Variants in DPP10 observed in about 807,000 individuals in gnomAD.
DPP10 encodes inactive dipeptidyl peptidase 10.
A neutral mutation model predicts 120.9 loss-of-function variants in DPP10; 33 were observed. The ratio of observed to expected loss-of-function variants is 0.27; its 90% CI spans 0.21 to 0.37. DPP10 has a LOEUF of 0.37. DPP10 is among the 10% of genes least tolerant of loss of function. DPP10 has a pLI of 1.00. For synonymous variants in DPP10, 337 were observed against 326.1 expected, an observed-to-expected ratio of 1.03 and a Z score of -0.36; for missense variants, 816 against 942.8, an observed-to-expected ratio of 0.87 and a Z score of 1.76.
chr2:115,450,155 A>G (rs1368732408), intron 3 of DPP10, among the ~76,000 whole-genome samples: 1 of 151,948 alleles, frequency 6.6e-6, no homozygotes, highest in Non-Finnish European at 1.5e-5. Context: ...AACCTACCAA[A>G]CATTATAGCT....
At chr2:115,236,473 G>T (rs556968802) in intron 1 of DPP10, among the ~76,000 whole-genome samples, 1 of 152,246 alleles carries the variant, frequency 6.6e-6, no homozygotes, top group East Asian at 1.9e-4. Flanking sequence ...CAACATTTCT[G>T]CATTAGTAAT....
chr2:114,679,389 C>T (rs1698875585), intron 1 of DPP10, among the ~76,000 whole-genome samples: 1 of 151,932 alleles, frequency 6.6e-6, no homozygotes, highest in South Asian at 2.1e-4. Flanking sequence ...ATTGTAATGG[C>T]ACAAACTGGT....
chr2:114,444,298 A>G (rs892489430), intron 1 of DPP10, among the ~76,000 whole-genome samples: 2 of 152,220 alleles, frequency 1.3e-5, no homozygotes, highest in Non-Finnish European at 2.9e-5. Context: ...TAGTAAATAC[A>G]TGACACTCTA....
intron 7 of DPP10, among the ~76,000 whole-genome samples, chr2:115,699,544 G>A (rs2091790317): frequency 6.6e-6 from 1 of 152,204 alleles, no homozygotes; most frequent in African/African-American, 2.4e-5. Context: ...AGAGGTTGCA[G>A]TGAGTTGTGA....
chr2:115,563,434 G>C (rs142443602), intron 5 of DPP10, among the ~76,000 whole-genome samples: 3 of 152,070 alleles, frequency 2.0e-5, no homozygotes, highest in South Asian at 2.1e-4. Flanking sequence ...CCCTGCACTC[G>C]AGAGAGCTGT....
intron 1 of DPP10, among the ~76,000 whole-genome samples, chr2:115,073,363 T>C (rs988788467): frequency 6.6e-6 from 1 of 152,184 alleles, no homozygotes; most frequent in African/African-American, 2.4e-5. Context: ...ATTGCATGCA[T>C]AGCCAAAGTG....
intron 5 of DPP10, among the ~76,000 whole-genome samples, chr2:115,647,310 A>C (rs1461796346): frequency 6.6e-6 from 1 of 152,160 alleles, no homozygotes; most frequent in African/African-American, 2.4e-5. Flanking sequence ...AGGCAGTTGA[A>C]GTTGTGGCAG....
Position 114,442,849 on chromosome 2 carries a change from G to T in DPP10, c.60+11G>T, listed in dbSNP as rs771969496. 11 of 1,613,050 alleles carry T rather than the reference G, an allele frequency of 6.8e-6. No individual in the cohort carries two copies. The highest frequency in any genetic ancestry group is 8.5e-6 in the Non-Finnish European group (10 of 1,179,450). On this transcript the variant is annotated intron_variant, in intron 1 of 25. Coordinates refer to ENST00000410059, the MANE Select transcript of DPP10 (RefSeq NM_020868.6). Reference sequence around the variant, plus strand: ...TCAAAAACAATCAAGGTAGGATCTGGTTTTTCCCTCTGCTTCTGCACATGT... The same window carrying T: ...TCAAAAACAATCAAGGTAGGATCTGTTTTTTCCCTCTGCTTCTGCACATGT...
intron 3 of DPP10, among the ~76,000 whole-genome samples, chr2:115,481,844 A>G (rs1270267890): frequency 4.6e-5 from 7 of 152,148 alleles, no homozygotes; most frequent in Non-Finnish European, 1.0e-4. Context: ...TAATGTATTT[A>G]ATATTGTCAA....
At chr2:115,146,357 C>T (rs2051223643) in intron 1 of DPP10, among the ~76,000 whole-genome samples, 2 of 152,034 alleles carry the variant, frequency 1.3e-5, no homozygotes, top group Admixed American at 6.6e-5. Flanking sequence ...TCTAGGATTA[C>T]TCGAAGTCCA....
intron 5 of DPP10, among the ~76,000 whole-genome samples, chr2:115,669,856 A>T (rs944479233): frequency 2.6e-5 from 4 of 152,178 alleles, no homozygotes; most frequent in African/African-American, 9.6e-5. Flanking sequence ...ATTGACAAAG[A>T]GTGAAAGAAA....
intron 15 of DPP10, among the ~76,000 whole-genome samples, chr2:115,778,313 T>C (rs1682365979): frequency 6.6e-6 from 1 of 152,006 alleles, no homozygotes; most frequent in Non-Finnish European, 1.5e-5. Context: ...CCCAGTGAGA[T>C]TGTTGCAGGA....
chr2:114,914,606 T>C (rs1204931731), intron 1 of DPP10, among the ~76,000 whole-genome samples: 1 of 152,096 alleles, frequency 6.6e-6, no homozygotes, highest in East Asian at 1.9e-4. Context: ...CAAAAAGAAG[T>C]ATACAGCCCA....
intron 19 of DPP10, among the ~76,000 whole-genome samples, chr2:115,798,203 T>G (rs1475677682): frequency 6.6e-6 from 1 of 151,990 alleles, no homozygotes; most frequent in Non-Finnish European, 1.5e-5. Flanking sequence ...TACAAAGTTC[T>G]TAGTTTTAGA....
intron 3 of DPP10, among the ~76,000 whole-genome samples, chr2:115,466,884 A>G (rs1032609726): frequency 6.6e-6 from 1 of 152,154 alleles, no homozygotes; most frequent in Non-Finnish European, 1.5e-5. Context: ...GAGATGGCCT[A>G]TATATGTAAA....
chr2:115,682,784 C>T (rs548997461), intron 5 of DPP10, among the ~76,000 whole-genome samples: 4 of 151,866 alleles, frequency 2.6e-5, no homozygotes, highest in South Asian at 2.1e-4. Flanking sequence ...CAAATAAAAA[C>T]GTGTACTTCA....
At chr2:115,621,711 C>T (rs891412879) in intron 5 of DPP10, among the ~76,000 whole-genome samples, 4 of 152,114 alleles carry the variant, frequency 2.6e-5, no homozygotes, top group African/African-American at 4.8e-5. Context: ...GGGAGTTTCG[C>T]TCTTCGTGCC....
intron 1 of DPP10, among the ~76,000 whole-genome samples, chr2:114,738,039 G>A (rs1039881764): frequency 3.3e-5 from 5 of 152,166 alleles, no homozygotes; most frequent in Non-Finnish European, 7.3e-5. Context: ...GGGGAAGCAG[G>A]CATAGTCTTC....
chr2:114,484,120 G>A (rs769324477), intron 1 of DPP10, among the ~76,000 whole-genome samples: 27 of 152,184 alleles, frequency 1.8e-4, no homozygotes, highest in Admixed American at 5.9e-4. Context: ...CTTTGGAGCC[G>A]CTGAACTCCA....
Sources: gnomAD v4.1 joint callset for allele counts (sites outside exome capture counted in the v4.1 genomes callset) on GRCh38, gnomAD v4.1.1 for gene constraint, MANE v1.5 for transcripts, NCBI Gene and HGNC (gene_info 2026-07-23, HGNC 2026-07-21) for gene names.